Variants in FNBP1 observed in about 807,000 individuals in gnomAD.
FNBP1 encodes formin binding protein 1, also known as formin-binding protein 1.
FNBP1 carries 26 observed loss-of-function variants against 90.6 expected under a neutral mutation model. That is an observed-to-expected ratio of 0.29 (90% CI 0.21 to 0.40). The LOEUF (loss-of-function observed/expected upper bound fraction) is 0.40, where lower values mean the gene tolerates loss of function less well. Among genes scored for constraint, FNBP1 ranks in the 10% least tolerant of loss-of-function variants. FNBP1 has a pLI of 1.00. For synonymous variants in FNBP1, 260 were observed against 265.2 expected, an observed-to-expected ratio of 0.98 and a Z score of 0.19; for missense variants, 635 against 768.0, an observed-to-expected ratio of 0.83 and a Z score of 2.05.
chr9:130,032,119 A>C (rs911957895), intron 1 of FNBP1, among the ~76,000 whole-genome samples: 1 of 152,102 alleles, frequency 6.6e-6, no homozygotes, highest in Non-Finnish European at 1.5e-5. Flanking sequence ...CTTACTTTTG[A>C]AACTGAACAA....
chr9:129,955,887 T>A (rs1278286100), intron 6 of FNBP1, among the ~76,000 whole-genome samples: 1 of 151,452 alleles, frequency 6.6e-6, no homozygotes, highest in African/African-American at 2.4e-5. Context: ...CATACACTGA[T>A]TTGCCTCATT....
At chr9:129,978,700 TCAGG>T in intron 3 of FNBP1, 88 bp from the exon 4 acceptor site, 1 of 1,366,982 alleles carries the variant, frequency 7.3e-7, no homozygotes, top group Non-Finnish European at 1.0e-6. Flanking sequence ...TTAATTAAAA[TCAGG>T]TTAATTGGCA....
intron 1 of FNBP1, among the ~76,000 whole-genome samples, chr9:130,039,277 T>C (rs1405498508): frequency 2.6e-5 from 4 of 152,224 alleles, no homozygotes; most frequent in Non-Finnish European, 5.9e-5. Flanking sequence ...GTGCACACCA[T>C]AGTTGTTCAA....
chr9:129,895,220 C>G, intron 16 of FNBP1: 1 of 1,033,274 alleles, frequency 9.7e-7, no homozygotes, highest in Non-Finnish European at 1.2e-6. Flanking sequence ...CTCGTGATGC[C>G]CTACCAAGGA....
At chr9:129,977,991 T>A (rs2050605269) in intron 4 of FNBP1, among the ~76,000 whole-genome samples, 1 of 151,980 alleles carries the variant, frequency 6.6e-6, no homozygotes, top group African/African-American at 2.4e-5. Context: ...CTAGAAACAC[T>A]TTCTAGGAAC....
intron 6 of FNBP1, among the ~76,000 whole-genome samples, chr9:129,938,414 G>A (rs2043819914): frequency 6.6e-6 from 1 of 152,090 alleles, no homozygotes; most frequent in Non-Finnish European, 1.5e-5. Context: ...TCCAGGCCAG[G>A]AGCTTGCCAA....
intron 7 of FNBP1, among the ~76,000 whole-genome samples, chr9:129,928,342 C>T (rs62583631): frequency 6.6e-6 from 1 of 152,210 alleles, no homozygotes; most frequent in Admixed American, 6.5e-5. Context: ...TTAGCAAAGA[C>T]AGCATTAATC....
chr9:129,984,304 A>G (rs1220785101), intron 2 of FNBP1, among the ~76,000 whole-genome samples: 2 of 152,182 alleles, frequency 1.3e-5, no homozygotes. Flanking sequence ...AAGGAGTCTA[A>G]TCTCAGTCCA....
At chr9:129,986,446 T>C (rs2052258557) in intron 2 of FNBP1, among the ~76,000 whole-genome samples, 1 of 151,468 alleles carries the variant, frequency 6.6e-6, no homozygotes, top group South Asian at 2.1e-4. Context: ...TCAAATTTAA[T>C]AGAGGAAAGG....
In FNBP1 at chr9:129,993,921, G is replaced by A. The variant is rs992477317; in HGVS notation, c.140+922C>T. Among the ~76,000 whole-genome samples, 6 of 152,072 alleles carry A rather than the reference G, an allele frequency of 3.9e-5. 1 individual carries two copies. Among genetic ancestry groups the A allele is most frequent in the Admixed American group, 1.3e-4 (2 of 15,258 alleles). ...ATTACAGGCGTGAGCCACTGCGCCC[G>A]GCCCGAAGTACTTTTAAAATACTAT... On this transcript the variant is annotated intron_variant, in intron 2 of 16. Transcript: ENST00000446176.
chr9:129,955,475 A>G (rs1180489057), intron 6 of FNBP1, among the ~76,000 whole-genome samples: 2 of 151,722 alleles, frequency 1.3e-5, no homozygotes, highest in African/African-American at 2.4e-5. Context: ...GACTCAAACA[A>G]TCTGCTCACC....
Position 129,890,398 on chromosome 9 carries a change from G to GGCGA in FNBP1, c.*140_*141insTCGC. The GGCGA allele has an allele frequency of 1.8e-6, 1 of 558,200 alleles. No homozygotes were observed. The highest frequency in any genetic ancestry group is 3.3e-6 in the Non-Finnish European group (1 of 307,360). The allele number at this position is 558,200 out of a possible 1,614,324, so 34.6% of individuals were successfully genotyped here. A position where few individuals can be genotyped will look rare whatever the true frequency, so the allele number is the denominator to read the frequency against. On this transcript the variant is annotated 3_prime_UTR_variant, in exon 17 of 17. Transcript: ENST00000446176. The surrounding 1 kb of genome is among the most constrained non-coding windows in gnomAD (Gnocchi z 5.8). The stretch of plus-strand genomic sequence containing the variant: ...AGGGCAGGGCCGCAGGGAGCATGCT[G>GGCGA]GAGAGAGAGAGAGACCGCCCCGCAG...
chr9:129,918,123 T>C (rs1236401116), intron 10 of FNBP1, among the ~76,000 whole-genome samples: 2 of 152,200 alleles, frequency 1.3e-5, no homozygotes, highest in Non-Finnish European at 2.9e-5. Flanking sequence ...CAAAATATTG[T>C]ATAGGAAGAT....
the FNBP1 span, among the ~76,000 whole-genome samples, chr9:130,050,394 A>G: frequency 6.6e-6 from 1 of 152,154 alleles, no homozygotes; most frequent in Non-Finnish European, 1.5e-5. Context: ...GTTTCTCTCC[A>G]ATCCACAGGA....
Position 129,890,646 on chromosome 9 carries a change from T to C in FNBP1, c.1847-100A>G. The C allele has an allele frequency of 2.3e-6, 1 of 442,028 alleles. No homozygotes were observed. The highest frequency in any genetic ancestry group is 4.3e-6 in the Non-Finnish European group (1 of 230,820). 27.4% of individuals were successfully genotyped at this position (442,028 alleles called of 1,614,324 possible). A position where few individuals can be genotyped will look rare whatever the true frequency, so the allele number is the denominator to read the frequency against. ...CTCTTGGCTACAAACTGCACCGCCC[T>C]GGGAGGGGAGGGTAGTGGGAGGGGA... On this transcript the variant is annotated intron_variant, in intron 16 of 16. Transcript: ENST00000446176. The surrounding 1 kb of genome is among the most constrained non-coding windows in gnomAD (Gnocchi z 5.8).
chr9:130,006,166 G>A (rs1309940880), intron 1 of FNBP1, among the ~76,000 whole-genome samples: 2 of 152,184 alleles, frequency 1.3e-5, no homozygotes, highest in Non-Finnish European at 2.9e-5. Flanking sequence ...GTACAGGCTG[G>A]GTATGGTGGC....
chr9:129,931,530 C>A (rs868019246), intron 6 of FNBP1, among the ~76,000 whole-genome samples: 3 of 151,830 alleles, frequency 2.0e-5, no homozygotes, highest in African/African-American at 7.3e-5. Flanking sequence ...GGCGTGAACC[C>A]GGGAGGCGGA....
intron 1 of FNBP1, among the ~76,000 whole-genome samples, chr9:130,029,628 A>G (rs2058633008): frequency 6.6e-6 from 1 of 152,164 alleles, no homozygotes; most frequent in Non-Finnish European, 1.5e-5. Context: ...AAGGAATCAA[A>G]ATGTTAAACA....
chr9:130,038,626 A>T (rs1428395445), intron 1 of FNBP1, among the ~76,000 whole-genome samples: 2 of 151,950 alleles, frequency 1.3e-5, no homozygotes, highest in African/African-American at 4.8e-5. Flanking sequence ...CAAACTCCTG[A>T]TGTCGTGATC....
Sources: allele counts gnomAD v4.1 joint callset (sites outside exome capture counted in the v4.1 genomes callset), GRCh38; gene constraint gnomAD v4.1.1; non-coding constraint Gnocchi (gnomAD v3.1); transcripts MANE v1.5; gene names NCBI Gene and HGNC (gene_info 2026-07-23, HGNC 2026-07-21).